Variants in TET3 observed in about 807,000 individuals in gnomAD.
TET3 encodes the protein tet methylcytosine dioxygenase 3.
TET3 carries 19 observed loss-of-function variants against 141.4 expected under a neutral mutation model. The ratio of observed to expected loss-of-function variants is 0.13; its 90% CI spans 0.09 to 0.20. The LOEUF (loss-of-function observed/expected upper bound fraction) is 0.20. TET3 is among the 10% of genes least tolerant of loss of function. TET3 has a pLI of 1.00. For synonymous variants in TET3, 1,043 were observed against 980.9 expected (o/e 1.06, Z -1.18); for missense variants, 1,874 against 2,356.9 (o/e 0.80, Z 4.24).
At chr2:74,122,238 G>C in the TET3 span, 1 of 151,828 alleles carries the variant, frequency 6.6e-6, no homozygotes, top group Admixed American at 6.6e-5. Flanking sequence ...AAAACAAGAG[G>C]CCCAGAAATT....
chr2:74,022,062 ACTC>A (rs1686072576), intron 3 of TET3, among the ~76,000 whole-genome samples: 3 of 145,450 alleles, frequency 2.1e-5, no homozygotes, highest in Admixed American at 2.0e-4. Context: ...CTCAGAGAGA[ACTC>A]CTGTTACTAT....
At chr2:74,041,910 A>AT (rs371506609) in intron 3 of TET3, among the ~76,000 whole-genome samples, 2 of 151,822 alleles carry the variant, frequency 1.3e-5, no homozygotes, top group East Asian at 1.9e-4. Context: ...ACCCTTTTAG[A>AT]TTTTTTTTCT....
Position 74,096,596 on chromosome 2 carries a change from G to A in TET3, c.3268-2680G>A, listed in dbSNP as rs149610612. ...AGCCTGGTCAACATAGTGAAACCCC[G>A]TTTCTTCTAAAAATACAAAAAGTTA... On this transcript the variant is annotated intron_variant, in intron 10 of 11. Transcript: ENST00000409262. 7.2e-3 allele frequency among the ~76,000 whole-genome samples: 1,087 copies of A among 151,038 alleles called. 4 individuals are homozygous for A. Among genetic ancestry groups the A allele is most frequent in the East Asian group, 0.012 (60 of 5,082 alleles).
Position 73,986,447 on chromosome 2 carries a change from C to T in TET3, c.44C>T (p.Pro15Leu). 8.1e-7 allele frequency: 1 copy of T among 1,232,264 alleles called. No homozygotes were observed. The highest frequency in any genetic ancestry group is 1.0e-6 in the Non-Finnish European group (1 of 988,106). 76.3% of individuals were successfully genotyped at this position (1,232,264 alleles called of 1,614,324 possible). A position where few individuals can be genotyped will look rare whatever the true frequency, so the allele number is the denominator to read the frequency against. The change falls in exon 2 of 12, where the codon CCA becomes CTA. Residue 15 changes from proline (P) to leucine (L), a missense_variant. Coordinates refer to ENST00000409262, the MANE Select transcript of TET3 (RefSeq NM_001287491.2). The part of the protein sequence containing the change: ...QVPLAVQPDL[P>L]GLYDFPQRQV... ...CCCCTGGCCGTCCAGCCGGACCTGC[C>T]AGGCCTTTATGACTTCCCTCAGCGC...
intron 3 of TET3, among the ~76,000 whole-genome samples, chr2:74,009,041 G>T (rs956276598): frequency 1.3e-5 from 2 of 152,138 alleles, no homozygotes; most frequent in African/African-American, 4.8e-5. Context: ...GAGCCCTGCC[G>T]ACTGAGTGTT....
Position 74,085,702 on chromosome 2 carries a change from G to A in TET3, c.2680-2128G>A, listed in dbSNP as rs1396632774. Among the ~76,000 whole-genome samples, 7 of 152,218 alleles carry A rather than the reference G, an allele frequency of 4.6e-5. No homozygotes were observed. In the South Asian group the frequency reaches 6.2e-4, roughly 13 times the overall value. The stretch of plus-strand genomic sequence containing the variant: ...AGGTGGAGCTCAGGCGGTAACGCCC[G>A]CTCGCCTGCTGCTCACCTCCTGCCG... On this transcript the variant is annotated intron_variant, in intron 6 of 11. Transcript: ENST00000409262.
Position 74,063,226 on chromosome 2 carries a change from T to A in TET3, c.2495-10323T>A, listed in dbSNP as rs150443971. 7.9e-5 allele frequency among the ~76,000 whole-genome samples: 12 copies of A among 151,944 alleles called. No individual in the cohort carries two copies. In the South Asian group the frequency reaches 2.5e-3, roughly 32 times the overall value. The stretch of plus-strand genomic sequence containing the variant: ...TTAATGGAGTATGCCAGGCTTCTCA[T>A]GTAAGATCACTTTGAGAAGTCTAAT... On this transcript the variant is annotated intron_variant, in intron 4 of 11. Coordinates refer to ENST00000409262, the MANE Select transcript of TET3 (RefSeq NM_001287491.2).
chr2:74,043,259 A>T (rs1230972645), intron 3 of TET3, among the ~76,000 whole-genome samples: 5 of 152,220 alleles, frequency 3.3e-5, no homozygotes, highest in African/African-American at 9.7e-5. Flanking sequence ...GTGCTGGGTG[A>T]TCTGCCACAT....
intron 3 of TET3, among the ~76,000 whole-genome samples, chr2:74,045,315 G>A (rs114332889): frequency 0.011 from 1,658 of 152,274 alleles, 25 homozygotes; most frequent in African/African-American, 0.037. Flanking sequence ...CTTTGAGACC[G>A]TGTATACATC....
intron 10 of TET3, among the ~76,000 whole-genome samples, chr2:74,094,854 G>A (rs571450015): frequency 2.0e-5 from 3 of 152,320 alleles, no homozygotes; most frequent in Admixed American, 1.3e-4. Context: ...TTAGGAGTAA[G>A]AAATCAAGAG....
At chr2:74,064,480 A>G (rs1390564138) in intron 4 of TET3, among the ~76,000 whole-genome samples, 3 of 151,986 alleles carry the variant, frequency 2.0e-5, no homozygotes, top group Admixed American at 6.6e-5. Context: ...ACTCACTACA[A>G]CCTCTGCCTC....
At position 74,106,940 on chromosome 2, in the gene TET3, T is replaced by TG. The variant is rs1691533198; in HGVS notation, c.*4764_*4765insG. On this transcript the variant is annotated 3_prime_UTR_variant, in exon 12 of 12. Transcript: ENST00000409262. ...GAGCGTAGTTGGCTGTATTTCATGT[T>TG]TAAGTTTTGCTTTTGAATAAAATGT... 6.6e-6 allele frequency: 1 copy of TG among 152,246 alleles called. No individual in the cohort carries two copies. The highest frequency in any genetic ancestry group is 2.1e-4 in the South Asian group (1 of 4,838). The allele number at this position is 152,246 out of a possible 1,614,324, so 9.4% of individuals were successfully genotyped here.
intron 4 of TET3, among the ~76,000 whole-genome samples, chr2:74,062,230 C>G (rs1236043960): frequency 6.6e-6 from 1 of 152,172 alleles, no homozygotes; most frequent in African/African-American, 2.4e-5. Context: ...ACCAGCCCGG[C>G]CAACACAGCG....
At chr2:74,028,765 A>G (rs1200514392) in intron 3 of TET3, among the ~76,000 whole-genome samples, 2 of 152,234 alleles carry the variant, frequency 1.3e-5, no homozygotes, top group Non-Finnish European at 2.9e-5. Flanking sequence ...TGGACTGATA[A>G]TTTTGTAAAA....
the TET3 span, chr2:74,134,475 A>G: frequency 1.4e-5 from 4 of 294,190 alleles, no homozygotes; most frequent in East Asian, 8.6e-5. Context: ...TCTGGGGCCC[A>G]AGGTTGTTAT....
chr2:73,998,427 G>A (rs1402671889), intron 2 of TET3: 1 of 152,648 alleles, frequency 6.6e-6, no homozygotes, highest in Non-Finnish European at 1.5e-5. Flanking sequence ...TTGCTGGTAG[G>A]AAGCACGAAG....
chr2:74,134,336 A>C, the TET3 span: 1 of 204,100 alleles, frequency 4.9e-6, no homozygotes, highest in South Asian at 8.1e-5. Flanking sequence ...TGCTTGTAAG[A>C]GGCAGTTCTG....
intron 4 of TET3, among the ~76,000 whole-genome samples, chr2:74,067,729 A>AG (rs1688987409): frequency 6.6e-6 from 1 of 152,192 alleles, no homozygotes; most frequent in South Asian, 2.1e-4. Flanking sequence ...GGGAAAAAAA[A>AG]TGAGTTTTTC....
chr2:74,119,478 C>T, the TET3 span, among the ~76,000 whole-genome samples: 2 of 151,968 alleles, frequency 1.3e-5, no homozygotes, highest in Non-Finnish European at 2.9e-5. Context: ...ATTAGAAATA[C>T]TACCCAGATG....
Sources: gnomAD v4.1 joint callset for allele counts (sites outside exome capture counted in the v4.1 genomes callset) on GRCh38, gnomAD v4.1.1 for gene constraint, MANE v1.5 for transcripts, NCBI Gene and HGNC (gene_info 2026-07-23, HGNC 2026-07-21) for gene names.